SECISBP2L: variants seen among roughly 807,000 people sequenced by gnomAD.
The protein encoded by SECISBP2L is selenocysteine insertion sequence-binding protein 2-like.
Under a neutral mutation model 114.7 loss-of-function variants are expected in SECISBP2L, and 43 were observed. The observed-to-expected ratio is 0.38, with a 90% CI of 0.29 to 0.48. SECISBP2L has a LOEUF of 0.48. Among genes scored for constraint, SECISBP2L ranks in the 20% least tolerant of loss-of-function variants. The pLI, the probability that SECISBP2L is intolerant of heterozygous loss-of-function variation, is 0.98. For synonymous variants in SECISBP2L, 451 were observed against 439.7 expected, an observed-to-expected ratio of 1.03 and a Z score of -0.32; for missense variants, 1,136 against 1,301.1, an observed-to-expected ratio of 0.87 and a Z score of 1.95.
At chr15:49,000,568 T>C (rs1184604015) in intron 15 of SECISBP2L, among the ~76,000 whole-genome samples, 1 of 152,196 alleles carries the variant, frequency 6.6e-6, no homozygotes, top group Non-Finnish European at 1.5e-5. Context: ...CCATAAAATT[T>C]TAAAAGCAGA....
At chr15:48,997,346 C>T (rs1432289318) in intron 16 of SECISBP2L, among the ~76,000 whole-genome samples, 1 of 152,018 alleles carries the variant, frequency 6.6e-6, no homozygotes, top group Non-Finnish European at 1.5e-5. Context: ...AATAACTAGA[C>T]GAAGACCAAA....
intron 1 of SECISBP2L, among the ~76,000 whole-genome samples, chr15:49,039,714 G>C (rs907014401): frequency 6.6e-6 from 1 of 151,508 alleles, no homozygotes; most frequent in South Asian, 2.1e-4. Context: ...TTTTAATGTA[G>C]AGATGGGGTT....
Position 48,992,757 on chromosome 15 carries a change from T to C in SECISBP2L, c.2793A>G (p.Ser931=), listed in dbSNP as rs1445486465. ...CTGTGGATTTCCCAGCACTTGTAGCTGAGGTAGTACTGCCTGTAGCCACTA... is the reference window on the plus strand; with the variant it reads ...CTGTGGATTTCCCAGCACTTGTAGCCGAGGTAGTACTGCCTGTAGCCACTA... ...PSLVATGSTT[S]ATSAGKSTAS... is the part of the protein sequence containing the mutation. Residue 931 remains serine, a synonymous_variant, in exon 18 of 18, where the codon TCA becomes TCG. Coordinates refer to ENST00000559471, the MANE Select transcript of SECISBP2L (RefSeq NM_001193489.2). 1.2e-6 allele frequency: 2 copies of C among 1,614,094 alleles called. No individual in the cohort carries two copies. The highest frequency in any genetic ancestry group is 3.3e-5 in the Admixed American group (2 of 59,994).
intron 12 of SECISBP2L, 151 bp from the exon 13 acceptor site, chr15:49,012,014 G>A (rs1001608673): frequency 5.3e-6 from 4 of 753,392 alleles, no homozygotes; most frequent in Non-Finnish European, 8.5e-6. Context: ...TGTAATTTCA[G>A]ACACTGTAAG....
chr15:49,036,392 A>G (rs1162380845), intron 2 of SECISBP2L, among the ~76,000 whole-genome samples: 2 of 152,170 alleles, frequency 1.3e-5, no homozygotes, highest in African/African-American at 4.8e-5. Context: ...GCTTTTCCTC[A>G]TTACTCCCAT....
At chr15:49,039,521 T>C (rs908810222) in intron 1 of SECISBP2L, among the ~76,000 whole-genome samples, 7 of 151,860 alleles carry the variant, frequency 4.6e-5, no homozygotes, top group East Asian at 1.9e-4. Flanking sequence ...TTTCTTTTTT[T>C]TTTCTTTCTT....
Position 49,046,373 on chromosome 15 carries a change from C to G in SECISBP2L, c.-74G>C, listed in dbSNP as rs979851091. 5.4e-5 allele frequency: 75 copies of G among 1,392,184 alleles called. No homozygotes were observed. The highest frequency in any genetic ancestry group is 1.9e-4 in the Admixed American group (6 of 32,280). 86.2% of individuals were successfully genotyped at this position (1,392,184 alleles called of 1,614,324 possible). A position where few individuals can be genotyped will look rare whatever the true frequency, so the allele number is the denominator to read the frequency against. The stretch of plus-strand genomic sequence containing the variant: ...TCGGGCCGCTTTCTCCATGGCCCCC[C>G]GCTCGGGTCCAGACTGGGTTCCGGA... On this transcript the variant is annotated 5_prime_UTR_variant, in exon 1 of 18. Transcript: ENST00000559471.
At chr15:49,008,736 G>T (rs1197900388) in intron 14 of SECISBP2L, among the ~76,000 whole-genome samples, 2 of 152,160 alleles carry the variant, frequency 1.3e-5, no homozygotes, top group Non-Finnish European at 2.9e-5. Context: ...CACAGATGGG[G>T]TATCATATTC....
In SECISBP2L at chr15:49,028,574, G is replaced by A. The variant is rs1485938319; in HGVS notation, c.773C>T (p.Ser258Phe). The change falls in exon 5 of 18, where the codon TCT (serine) becomes TTT (phenylalanine). Residue 258 changes from serine (S) to phenylalanine (F), a missense_variant. Ser to Phe is a radical substitution (Grantham distance 155). This residue lies in a region of SECISBP2L where 452 missense variants were observed against 452.3 expected (regional missense o/e 1.00). Transcript: ENST00000559471. Reference sequence around the variant, plus strand: ...GGCTTCACTAGCCCCCTGCTCACTAGAAGATTCAGCAGTAGGGTGGGATGC... The same window carrying A: ...GGCTTCACTAGCCCCCTGCTCACTAAAAGATTCAGCAGTAGGGTGGGATGC... ...RRASHPTAES[S>F]SEQGASEADI... is the part of the protein sequence containing the mutation. 1 of 1,613,994 alleles carries A rather than the reference G, an allele frequency of 6.2e-7. No individual in the cohort carries two copies. The highest frequency in any genetic ancestry group is 8.5e-7 in the Non-Finnish European group (1 of 1,179,992).
intron 7 of SECISBP2L, among the ~76,000 whole-genome samples, chr15:49,020,836 C>A (rs762938685): frequency 2.6e-5 from 4 of 152,104 alleles, no homozygotes; most frequent in African/African-American, 4.8e-5. Flanking sequence ...TGTAAGTCTT[C>A]TGATACTTGC....
At chr15:49,038,946 T>C (rs1472787617) in intron 1 of SECISBP2L, among the ~76,000 whole-genome samples, 1 of 152,114 alleles carries the variant, frequency 6.6e-6, no homozygotes, top group East Asian at 1.9e-4. Context: ...TAAGAATAAA[T>C]TTCATGTTTC....
rs1901979474 is a variant in SECISBP2L at position 48,991,641 on chromosome 15, C to T, written c.*603G>A. The T allele has an allele frequency of 6.6e-6, 1 of 152,480 alleles. No individual in the cohort carries two copies. Among genetic ancestry groups the T allele is most frequent in the South Asian group, 2.1e-4 (1 of 4,832 alleles). 9.4% of individuals were successfully genotyped at this position (152,480 alleles called of 1,614,324 possible). On this transcript the variant is annotated 3_prime_UTR_variant, in exon 18 of 18. Coordinates refer to ENST00000559471, the MANE Select transcript of SECISBP2L (RefSeq NM_001193489.2). ...GCTATAATCTAAGATGGTGGCTCCACTGCTAGCCGAAGTTTTGAAGGCTCT... is the reference window on the plus strand; with the variant it reads ...GCTATAATCTAAGATGGTGGCTCCATTGCTAGCCGAAGTTTTGAAGGCTCT...
intron 1 of SECISBP2L, among the ~76,000 whole-genome samples, chr15:49,040,749 A>G (rs995633898): frequency 1.3e-5 from 2 of 151,286 alleles, no homozygotes; most frequent in African/African-American, 2.4e-5. Context: ...CGTGTTAGCC[A>G]GGATGGTCTC....
Position 48,999,946 on chromosome 15 carries a change from G to C in SECISBP2L, c.2290C>G (p.Arg764Gly), listed in dbSNP as rs766106718. 2 of 1,613,814 alleles carry C rather than the reference G, an allele frequency of 1.2e-6. No individual in the cohort carries two copies. The highest frequency in any genetic ancestry group is 1.1e-5 in the South Asian group (1 of 91,050). The change falls in exon 16 of 18, where the codon CGG becomes GGG. Residue 764 changes from arginine to glycine, a missense_variant. Coordinates refer to ENST00000559471, the MANE Select transcript of SECISBP2L (RefSeq NM_001193489.2). ...EALYNVIAMA[R>G]EQEIPFVFAL... is the part of the protein sequence containing the mutation. ...AACACAAAAGGAATTTCTTGTTCCC[G>C]TGCCATGGCTATAACATTATAGAGA...
intron 4 of SECISBP2L, among the ~76,000 whole-genome samples, chr15:49,031,595 A>G (rs1389330672): frequency 6.6e-6 from 1 of 152,176 alleles, no homozygotes; most frequent in African/African-American, 2.4e-5. Context: ...ATGAACTATA[A>G]TATTTAATTC....
rs1901968462 is a variant in SECISBP2L, at chr15:48,991,082, C to T, written c.*1162G>A. Reference sequence around the variant, plus strand: ...GAATAGAGAATTAATACCTACATATCTGTATACTCTAAATCATCTAATAGT... The same window carrying T: ...GAATAGAGAATTAATACCTACATATTTGTATACTCTAAATCATCTAATAGT... On this transcript the variant is annotated 3_prime_UTR_variant, in exon 18 of 18. Transcript: ENST00000559471. 1 of 152,174 alleles carries T rather than the reference C, an allele frequency of 6.6e-6. No homozygotes were observed. The highest frequency in any genetic ancestry group is 6.5e-5 in the Admixed American group (1 of 15,270). The allele number at this position is 152,174 out of a possible 1,614,324, so 9.4% of individuals were successfully genotyped here. A position where few individuals can be genotyped will look rare whatever the true frequency, so the allele number is the denominator to read the frequency against.
intron 11 of SECISBP2L, 99 bp from the exon 12 acceptor site, chr15:49,012,916 G>T: frequency 8.3e-7 from 1 of 1,202,678 alleles, no homozygotes; most frequent in Non-Finnish European, 1.2e-6. Context: ...CTCCTCCCAT[G>T]GAAAAAACGA....
At chr15:49,013,121 C>G in intron 11 of SECISBP2L, 1 of 241,440 alleles carries the variant, frequency 4.1e-6, no homozygotes, top group Non-Finnish European at 7.9e-6. Flanking sequence ...CAGAACCATT[C>G]TACCTTTGAA....
chr15:49,018,922 A>G (rs1020204162), intron 8 of SECISBP2L, among the ~76,000 whole-genome samples: 9 of 152,208 alleles, frequency 5.9e-5, no homozygotes, highest in African/African-American at 2.2e-4. Context: ...CTTACTGCAC[A>G]CATATACTAG....
Sources: gnomAD v4.1 joint callset for allele counts (sites outside exome capture counted in the v4.1 genomes callset) on GRCh38, gnomAD v4.1.1 for gene constraint, gnomAD v4.1.1 regional missense constraint, MANE v1.5 for transcripts, NCBI Gene and HGNC (gene_info 2026-07-23, HGNC 2026-07-21) for gene names.